Variants in TBCK observed in about 807,000 individuals in gnomAD.
TBCK encodes the protein TBC1 domain containing kinase.
TBCK carries 99 observed loss-of-function variants against 113.4 expected under a neutral mutation model. The ratio of observed to expected loss-of-function variants is 0.87; its 90% CI spans 0.74 to 1.03. TBCK has a LOEUF of 1.03. Ranked by LOEUF, TBCK falls within the 50% of genes least tolerant of loss-of-function variation. The probability of loss-of-function intolerance (pLI) is 0.00; values close to 1 mark genes in which losing one functional copy is unlikely to be tolerated. For missense variants in TBCK, 1,045 were observed against 1,061.3 expected (o/e 0.98, Z 0.21); for synonymous variants, 369 against 370.8 (o/e 1.00, Z 0.05).
chr4:106,276,097 C>T (rs2125764092), intron 3 of TBCK, among the ~76,000 whole-genome samples: 1 of 152,124 alleles, frequency 6.6e-6, no homozygotes, highest in Non-Finnish European at 1.5e-5. Context: ...ATACAAAAAG[C>T]TCAGACACAG....
At chr4:106,095,352 A>C in intron 25 of TBCK, 130 bp downstream of exon 25, 1 of 781,858 alleles carries the variant, frequency 1.3e-6, no homozygotes, top group Non-Finnish European at 1.9e-6. Context: ...ATATAAGAAC[A>C]CAGACAAATC....
rs530839942 is a variant in TBCK, at chr4:106,186,788, G to A, written c.2059+6821C>T. Among the ~76,000 whole-genome samples, 22 of 152,084 alleles carry A rather than the reference G, an allele frequency of 1.4e-4. 1 individual carries two copies. The South Asian group carries it at 4.0e-3, about 27-fold the overall frequency. ...CTGTTGCAATTGCAATTGCTCTTGAGGACTTAGTCATAAATACTTTCCCAA... is the reference window on the plus strand; with the variant it reads ...CTGTTGCAATTGCAATTGCTCTTGAAGACTTAGTCATAAATACTTTCCCAA... On this transcript the variant is annotated intron_variant, in intron 22 of 25. Coordinates refer to ENST00000394708, the MANE Select transcript of TBCK (RefSeq NM_001163435.3).
intron 22 of TBCK, among the ~76,000 whole-genome samples, chr4:106,191,849 A>T (rs1456384459): frequency 6.6e-6 from 1 of 152,174 alleles, no homozygotes; most frequent in Non-Finnish European, 1.5e-5. Flanking sequence ...TCTGAACAAC[A>T]TGAGTGTTTA....
chr4:106,109,438 T>C (rs944955758), intron 24 of TBCK, among the ~76,000 whole-genome samples: 1 of 152,042 alleles, frequency 6.6e-6, no homozygotes, highest in Non-Finnish European at 1.5e-5. Flanking sequence ...CATAGACTAA[T>C]GGAACAGAAT....
chr4:106,316,460 G>T (rs1375948534), upstream of TBCK: 8 of 1,328,990 alleles, frequency 6.0e-6, no homozygotes, highest in Non-Finnish European at 8.5e-6. Flanking sequence ...AGAATTGAGG[G>T]TTGAATCTGT....
intron 25 of TBCK, among the ~76,000 whole-genome samples, chr4:106,071,484 C>A (rs569887013): frequency 1.0e-3 from 157 of 152,222 alleles, no homozygotes; most frequent in Non-Finnish European, 1.3e-3. Flanking sequence ...AATTTCTGTT[C>A]TTTTGCATTT....
At chr4:106,291,734 T>C (rs1457559483) in intron 3 of TBCK, among the ~76,000 whole-genome samples, 1 of 152,246 alleles carries the variant, frequency 6.6e-6, no homozygotes, top group African/African-American at 2.4e-5. Context: ...GATTTGATCC[T>C]GCCTGCTGCT....
At chr4:106,164,511 G>T (rs1750147483) in intron 23 of TBCK, 1 of 151,740 alleles carries the variant, frequency 6.6e-6, no homozygotes, top group African/African-American at 2.4e-5. Flanking sequence ...CAAGTGTACA[G>T]TAGGATATGA....
At chr4:106,210,470 T>A (rs1755998329) in intron 20 of TBCK, among the ~76,000 whole-genome samples, 1 of 152,154 alleles carries the variant, frequency 6.6e-6, no homozygotes, top group African/African-American at 2.4e-5. Context: ...ATAGGCTAAC[T>A]TATAAGCTTT....
chr4:106,303,694 T>C (rs1242987805), intron 2 of TBCK, among the ~76,000 whole-genome samples: 1 of 152,090 alleles, frequency 6.6e-6, no homozygotes, highest in East Asian at 1.9e-4. Context: ...TGATTAGGCT[T>C]TCTTCCCTAG....
chr4:106,149,668 G>A (rs1420600131), intron 23 of TBCK, among the ~76,000 whole-genome samples: 4 of 152,112 alleles, frequency 2.6e-5, no homozygotes, highest in African/African-American at 7.2e-5. Context: ...ACAGATCACC[G>A]TAACAGATAT....
intron 25 of TBCK, among the ~76,000 whole-genome samples, chr4:106,067,963 T>G (rs1372933102): frequency 6.6e-6 from 1 of 152,096 alleles, no homozygotes; most frequent in East Asian, 1.9e-4. Flanking sequence ...TTTTGGGTAT[T>G]ATGGGTCCCT....
intron 24 of TBCK, among the ~76,000 whole-genome samples, chr4:106,114,452 A>C (rs1743242587): frequency 6.6e-6 from 1 of 152,208 alleles, no homozygotes; most frequent in Non-Finnish European, 1.5e-5. Flanking sequence ...TTAATTACGC[A>C]AAAGTGTGTT....
At chr4:106,231,395 T>C (rs1239818766) in intron 18 of TBCK, among the ~76,000 whole-genome samples, 1 of 151,754 alleles carries the variant, frequency 6.6e-6, no homozygotes, top group Non-Finnish European at 1.5e-5. Context: ...TCCAAAATGA[T>C]AGGCTTTGGA....
chr4:106,307,709 T>C (rs1295419471), intron 2 of TBCK, among the ~76,000 whole-genome samples: 2 of 152,150 alleles, frequency 1.3e-5, no homozygotes, highest in African/African-American at 2.4e-5. Context: ...ATTAAATACA[T>C]TTCACTGAAA....
chr4:106,316,621 A>G (rs747057521), upstream of TBCK: 14 of 1,549,550 alleles, frequency 9.0e-6, no homozygotes, highest in South Asian at 1.7e-4. Context: ...CGGGTCACTC[A>G]CTCGGGGATC....
chr4:106,314,447 G>A (rs1768530933), intron 1 of TBCK, among the ~76,000 whole-genome samples: 1 of 151,972 alleles, frequency 6.6e-6, no homozygotes, highest in Non-Finnish European at 1.5e-5. Context: ...TCAACTTAGG[G>A]CTATCTCAAG....
At position 106,194,636 on chromosome 4, in the gene TBCK, T is replaced by C. The variant is rs368601581; in HGVS notation, c.1897+82A>G. On this transcript the variant is annotated intron_variant, in intron 21 of 25. Transcript: ENST00000394708. ...TACTTACTAAATCTGCTCAATGTTA[T>C]TGTAAATATAAAATATGGGGAGGCA... is the stretch of plus-strand genomic sequence containing the variant. The C allele has an allele frequency of 3.4e-4, 365 of 1,068,874 alleles. 5 individuals are homozygous for C. In the South Asian group the frequency reaches 4.8e-3, roughly 14 times the overall value. 66.2% of individuals were successfully genotyped at this position (1,068,874 alleles called of 1,614,324 possible).
chr4:106,308,506 G>A (rs1767785360), intron 2 of TBCK, among the ~76,000 whole-genome samples: 2 of 152,148 alleles, frequency 1.3e-5, no homozygotes, highest in South Asian at 2.1e-4. Context: ...CATCGAAAGA[G>A]GACAGCACAG....
Sources: allele counts gnomAD v4.1 joint callset (sites outside exome capture counted in the v4.1 genomes callset), GRCh38; gene constraint gnomAD v4.1.1; transcripts MANE v1.5; gene names NCBI Gene and HGNC (gene_info 2026-07-23, HGNC 2026-07-21).